The following BARX2 variants were observed in gnomAD, a reference collection of about 807,000 sequenced individuals.
BARX2 encodes the protein BARX homeobox 2.
In BARX2, 11 loss-of-function variants were observed where a neutral mutation model predicts 25.5. The observed-to-expected ratio is 0.43, with a 90% CI of 0.27 to 0.71. BARX2 has a LOEUF of 0.71. BARX2 is among the 30% of genes least tolerant of loss of function. The pLI, the probability that BARX2 is intolerant of heterozygous loss-of-function variation, is 0.19. For missense variants in BARX2, 360 were observed against 359.9 expected, an observed-to-expected ratio of 1.00 and a Z score of 0.00; for synonymous variants, 137 against 149.5, an observed-to-expected ratio of 0.92 and a Z score of 0.61.
chr11:129,404,856 G>A (rs1753444702), intron 1 of BARX2, among the ~76,000 whole-genome samples: 1 of 152,166 alleles, frequency 6.6e-6, no homozygotes, highest in South Asian at 2.1e-4. Flanking sequence ...CTCTCAGCCT[G>A]TTTAGGGGGC....
At position 129,451,611 on chromosome 11, in the gene BARX2, G is replaced by A. The variant is rs2135419990; in HGVS notation, c.*209G>A. 6.3e-6 allele frequency: 4 copies of A among 631,916 alleles called. No individual in the cohort carries two copies. Among genetic ancestry groups the A allele is most frequent in the Non-Finnish European group, 1.1e-5 (4 of 376,686 alleles). The allele number at this position is 631,916 out of a possible 1,614,324, so 39.1% of individuals were successfully genotyped here. On this transcript the variant is annotated 3_prime_UTR_variant, in exon 4 of 4. Coordinates refer to ENST00000281437, the MANE Select transcript of BARX2 (RefSeq NM_003658.5). ...GTCTTGGGCCTGTCACCTCCTGAAA[G>A]GCTGCTTTAGCTGTGGATGCCCTTG...
intron 1 of BARX2, among the ~76,000 whole-genome samples, chr11:129,426,060 T>C (rs907405519): frequency 2.0e-5 from 3 of 152,136 alleles, no homozygotes; most frequent in African/African-American, 7.2e-5. Flanking sequence ...TTGTCAGCCT[T>C]TGAGTTGGCC....
intron 1 of BARX2, among the ~76,000 whole-genome samples, chr11:129,414,925 C>T (rs530364041): frequency 3.3e-5 from 5 of 152,206 alleles, no homozygotes; most frequent in South Asian, 2.1e-4. Flanking sequence ...AATTAATGGA[C>T]GAATGGCCTC....
chr11:129,394,131 T>C (rs1388913906), intron 1 of BARX2, among the ~76,000 whole-genome samples: 1 of 152,180 alleles, frequency 6.6e-6, no homozygotes, highest in East Asian at 1.9e-4. Flanking sequence ...TTTTGAACTT[T>C]ATATAGATGG....
chr11:129,442,416 G>A (rs1193544722), intron 2 of BARX2, among the ~76,000 whole-genome samples: 3 of 152,174 alleles, frequency 2.0e-5, no homozygotes, highest in Non-Finnish European at 2.9e-5. Context: ...GGTGGGACCG[G>A]GGCTGGGTCT....
chr11:129,386,656 T>C (rs1591427137), intron 1 of BARX2, among the ~76,000 whole-genome samples: 2 of 152,342 alleles, frequency 1.3e-5, no homozygotes, highest in Admixed American at 6.5e-5. Context: ...ATGACAACCA[T>C]AGTGGCAGAA....
chr11:129,419,273 G>C (rs1467570872), intron 1 of BARX2, among the ~76,000 whole-genome samples: 1 of 152,004 alleles, frequency 6.6e-6, no homozygotes, highest in Admixed American at 6.5e-5. Flanking sequence ...ATTTATTTCA[G>C]TGTTTCATAT....
intron 1 of BARX2, among the ~76,000 whole-genome samples, chr11:129,402,711 C>G (rs1219941354): frequency 6.6e-6 from 1 of 152,216 alleles, no homozygotes; most frequent in Admixed American, 6.5e-5. Context: ...TTGGTTAACT[C>G]TCTTTGTCTC....
In BARX2 at chr11:129,391,949, T is replaced by G. The variant is rs185248930; in HGVS notation, c.187+15727T>G. On this transcript the variant is annotated intron_variant, in intron 1 of 3. Transcript: ENST00000281437. Reference sequence around the variant, plus strand: ...ATATGCTTCTTAATTGACTTTAACCTGCTGCCCATCCCTAGAAGTAATAGT... The same window carrying G: ...ATATGCTTCTTAATTGACTTTAACCGGCTGCCCATCCCTAGAAGTAATAGT... Among the ~76,000 whole-genome samples, 200 of 152,332 alleles carry G rather than the reference T, an allele frequency of 1.3e-3. 1 individual carries two copies. Among genetic ancestry groups the G allele is most frequent in the African/African-American group, 4.6e-3 (193 of 41,584 alleles).
At chr11:129,437,201 G>A (rs1862201944) in intron 2 of BARX2, 150 bp downstream of exon 2, 1 of 946,304 alleles carries the variant, frequency 1.1e-6, no homozygotes, top group Admixed American at 3.4e-5. Flanking sequence ...TCTCAACCTT[G>A]GTTAACAGAA....
intron 1 of BARX2, among the ~76,000 whole-genome samples, chr11:129,428,254 T>G (rs1484783853): frequency 2.0e-5 from 3 of 152,202 alleles, no homozygotes; most frequent in Admixed American, 1.3e-4. Flanking sequence ...ATTTCACAAG[T>G]GTATGTAAAT....
chr11:129,446,851 T>C (rs184485825), intron 3 of BARX2, among the ~76,000 whole-genome samples: 1 of 152,252 alleles, frequency 6.6e-6, no homozygotes, highest in East Asian at 1.9e-4. Flanking sequence ...TCCAAACTTG[T>C]TTCTCAGCTT....
intron 1 of BARX2, among the ~76,000 whole-genome samples, chr11:129,389,850 A>C (rs1166111423): frequency 1.3e-5 from 2 of 152,048 alleles, no homozygotes; most frequent in Non-Finnish European, 1.5e-5. Context: ...ACAACTAATC[A>C]CTTTCCTAGT....
chr11:129,444,536 A>T (rs1862301478), intron 3 of BARX2, among the ~76,000 whole-genome samples: 1 of 152,314 alleles, frequency 6.6e-6, no homozygotes, highest in African/African-American at 2.4e-5. Flanking sequence ...TATAAGAAGT[A>T]ATTAAATAAA....
chr11:129,382,190 T>G (rs1351731873), intron 1 of BARX2, among the ~76,000 whole-genome samples: 1 of 152,168 alleles, frequency 6.6e-6, no homozygotes, highest in Non-Finnish European at 1.5e-5. Context: ...TTTTGTTTTA[T>G]TTTTTTGAAA....
intron 1 of BARX2, among the ~76,000 whole-genome samples, chr11:129,379,054 A>G (rs1319943409): frequency 6.6e-6 from 1 of 152,170 alleles, no homozygotes; most frequent in Admixed American, 6.5e-5. Flanking sequence ...CCTTCCAAAA[A>G]TTGTTGTTTA....
chr11:129,421,249 G>C (rs901634203), intron 1 of BARX2, among the ~76,000 whole-genome samples: 1 of 152,188 alleles, frequency 6.6e-6, no homozygotes, highest in South Asian at 2.1e-4. Flanking sequence ...TCAAACATGA[G>C]TAAATATTGA....
At chr11:129,444,888 C>T (rs1862305954) in intron 3 of BARX2, among the ~76,000 whole-genome samples, 4 of 152,018 alleles carry the variant, frequency 2.6e-5, no homozygotes, top group Admixed American at 2.0e-4. Context: ...GTAATCCCAG[C>T]GACTTGGGAG....
chr11:129,432,177 C>T (rs1053925420), intron 1 of BARX2, among the ~76,000 whole-genome samples: 4 of 152,108 alleles, frequency 2.6e-5, no homozygotes, highest in African/African-American at 9.7e-5. Flanking sequence ...ATTCTTATGA[C>T]TCAGCCTCAC....
Sources: allele counts gnomAD v4.1 joint callset (sites outside exome capture counted in the v4.1 genomes callset), GRCh38; gene constraint gnomAD v4.1.1; transcripts MANE v1.5; gene names NCBI Gene and HGNC (gene_info 2026-07-23, HGNC 2026-07-21).